Variants in PCDH19 observed in about 807,000 individuals in gnomAD.
PCDH19 encodes protocadherin-19.
A neutral mutation model predicts 46.2 loss-of-function variants in PCDH19; 6 were observed. The ratio of observed to expected loss-of-function variants is 0.13; its 90% CI spans 0.07 to 0.26. The LOEUF (loss-of-function observed/expected upper bound fraction) is 0.26. Ranked by LOEUF, PCDH19 falls within the 10% of genes least tolerant of loss-of-function variation. PCDH19 has a pLI of 1.00. For synonymous variants in PCDH19, 481 were observed against 415.7 expected, an observed-to-expected ratio of 1.16 and a Z score of -1.91; for missense variants, 740 against 972.3, an observed-to-expected ratio of 0.76 and a Z score of 3.18.
At chrX:100,302,316 C>G (rs914794610) in intron 5 of PCDH19, among the ~76,000 whole-genome samples, 1 of 111,944 alleles carries the variant, frequency 8.9e-6, no homozygotes, top group South Asian at 3.8e-4. Flanking sequence ...AAACACAATT[C>G]ATGATTAATA....
At chrX:100,403,474 GA>G in intron 2 of PCDH19, 49 bp downstream of exon 2, 1 of 1,159,773 alleles carries the variant, frequency 8.6e-7, no homozygotes, top group East Asian at 3.1e-5. Flanking sequence ...TCCTCTCCTA[GA>G]AAAATCTAAT....
intron 5 of PCDH19, among the ~76,000 whole-genome samples, chrX:100,309,968 T>C (rs1925081984): frequency 8.9e-6 from 1 of 112,487 alleles, no homozygotes; most frequent in African/African-American, 3.2e-5. Flanking sequence ...ATATTTGGCC[T>C]CTGTGATGCC....
At position 100,406,993 on chromosome X, in the gene PCDH19, G is replaced by A. The variant is rs754032170; in HGVS notation, c.1605C>T (p.Ala535=). Residue 535 remains alanine, a synonymous_variant, in exon 1 of 6, where the codon GCC becomes GCT. Coordinates refer to ENST00000373034, the MANE Select transcript of PCDH19 (RefSeq NM_001184880.2). Reference sequence around the variant, plus strand: ...GCAGTGAGGGAAGGCCGCCGTCCTTGGCCAGCACCTTGAATTCGAACGCCT... The same window carrying A: ...GCAGTGAGGGAAGGCCGCCGTCCTTAGCCAGCACCTTGAATTCGAACGCCT... ...QTKAFEFKVL[A]KDGGLPSLQS... 2.7e-5 allele frequency: 33 copies of A among 1,209,851 alleles called. No homozygotes were observed. The highest frequency in any genetic ancestry group is 5.9e-5 in the East Asian group (2 of 33,724).
rs1928536305 is a variant in PCDH19, at chrX:100,409,707, G to A, written c.-1110C>T. On this transcript the variant is annotated 5_prime_UTR_variant, in exon 1 of 6. Coordinates refer to ENST00000373034, the MANE Select transcript of PCDH19 (RefSeq NM_001184880.2). ...CGTTTGGGCTGGGGTGTCGCTCCAA[G>A]GTCCGCCGCCGCCGCCGCCGCCGCC... 8.3e-6 allele frequency: 2 copies of A among 239,974 alleles called. No homozygotes were observed. Among genetic ancestry groups the A allele is most frequent in the Non-Finnish European group, 1.5e-5 (2 of 133,267 alleles). 19.8% of individuals were successfully genotyped at this position (239,974 alleles called of 1,213,427 possible). A position where few individuals can be genotyped will look rare whatever the true frequency, so the allele number is the denominator to read the frequency against.
chrX:100,294,977 G>A lies in PCDH19; in HGVS notation c.*1300C>T, dbSNP rs1390953168. ...ATCAAAAAACTATTAGTCATAAAAA[G>A]ATGAGTTCAAGTGTCTGAGTGTCTC... is the stretch of plus-strand genomic sequence containing the variant. On this transcript the variant is annotated 3_prime_UTR_variant, in exon 6 of 6. Transcript: ENST00000373034. 1.8e-5 allele frequency: 2 copies of A among 112,462 alleles called. No individual in the cohort carries two copies. The highest frequency in any genetic ancestry group is 9.4e-5 in the Admixed American group (1 of 10,588). The allele number at this position is 112,462 out of a possible 1,213,427, so 9.3% of individuals were successfully genotyped here.
At chrX:100,386,675 C>A (rs775787038) in intron 3 of PCDH19, among the ~76,000 whole-genome samples, 1 of 111,594 alleles carries the variant, frequency 9.0e-6, no homozygotes, top group East Asian at 2.8e-4. Context: ...TTCAAACATT[C>A]TCAATACTTC....
intron 3 of PCDH19, among the ~76,000 whole-genome samples, chrX:100,387,636 T>A (rs1383719812): frequency 8.9e-6 from 1 of 111,947 alleles, no homozygotes; most frequent in East Asian, 2.8e-4. Context: ...ATTTTACTAT[T>A]TTAAAACCTC....
intron 5 of PCDH19, among the ~76,000 whole-genome samples, chrX:100,303,538 T>C (rs1436317693): frequency 1.8e-5 from 2 of 111,057 alleles, no homozygotes. Context: ...ACAGTCGTAT[T>C]CTAAAGTAAA....
At position 100,403,653 on chromosome X, in the gene PCDH19, G is replaced by A. The variant is rs775927144; in HGVS notation, c.2159C>T (p.Thr720Ile). ...AAAACAGCCGAGGAGACAAGTGATG[G>A]TTAAACAATTACTGCAAAGGAATTT... Reference protein sequence around the residue: ...IRTYNCSNCLTITCLLGCFIK... With the variant: ...IRTYNCSNCLIITCLLGCFIK... Residue 720 changes from threonine to isoleucine, a missense_variant, in exon 2 of 6, where the codon ACC becomes ATC. Thr to Ile is a moderately conservative substitution (Grantham distance 89). This residue lies in a region of PCDH19 where 416 missense variants were observed against 476.8 expected (regional missense o/e 0.87). Coordinates refer to ENST00000373034, the MANE Select transcript of PCDH19 (RefSeq NM_001184880.2). 4 of 1,203,043 alleles carry A rather than the reference G, an allele frequency of 3.3e-6. No homozygotes were observed. Among genetic ancestry groups the A allele is most frequent in the Middle Eastern group, 2.3e-4 (1 of 4,330 alleles).
chrX:100,408,387 G>C lies in PCDH19; in HGVS notation c.211C>G (p.Leu71Val). 2.5e-6 allele frequency: 3 copies of C among 1,208,610 alleles called. No individual in the cohort carries two copies. The highest frequency in any genetic ancestry group is 3.4e-6 in the Non-Finnish European group (3 of 894,251). Residue 71 changes from leucine (L) to valine (V), a missense_variant, in exon 1 of 6, where the codon CTA becomes GTA. Leu to Val is a conservative substitution (Grantham distance 32). Transcript: ENST00000373034. The part of the protein sequence containing the change: ...FRVVSNSAPH[L>V]VDINPSSGLL... ...CCAGAGCTGGGATTGATGTCCACTA[G>C]GTGTGGAGCCGAGTTGGACACCACG...
At chrX:100,321,852 C>G (rs1332439614) in intron 5 of PCDH19, among the ~76,000 whole-genome samples, 24 of 91,264 alleles carry the variant, frequency 2.6e-4, no homozygotes, top group African/African-American at 9.9e-4. Flanking sequence ...TACAGTGGCG[C>G]GATCTCGGCT....
intron 5 of PCDH19, among the ~76,000 whole-genome samples, chrX:100,327,929 G>T (rs774534508): frequency 8.9e-6 from 1 of 111,776 alleles, no homozygotes; most frequent in African/African-American, 3.2e-5. Context: ...TGATGACAAT[G>T]AAAACTTAAG....
At chrX:100,323,137 G>GAGAAAA (rs1925573339) in intron 5 of PCDH19, among the ~76,000 whole-genome samples, 1 of 109,835 alleles carries the variant, frequency 9.1e-6, no homozygotes, top group African/African-American at 3.3e-5. Context: ...CCAACTCAAA[G>GAGAAAA]AGTAAAAAGT....
chrX:100,342,114 G>A (rs762365704), intron 4 of PCDH19, 39 bp from the exon 5 acceptor site: 2 of 1,153,644 alleles, frequency 1.7e-6, no homozygotes, highest in East Asian at 3.0e-5. Context: ...GACCGTGACA[G>A]ATCTGATTTT....
chrX:100,392,523 A>T (rs1021299133), intron 3 of PCDH19, among the ~76,000 whole-genome samples: 3 of 112,291 alleles, frequency 2.7e-5, no homozygotes, highest in Non-Finnish European at 5.6e-5. Context: ...TCTCTCCCCT[A>T]AGCTTTTAGG....
At chrX:100,385,928 A>G (rs192715824) in intron 3 of PCDH19, among the ~76,000 whole-genome samples, 1 of 112,133 alleles carries the variant, frequency 8.9e-6, no homozygotes, top group East Asian at 2.8e-4. Context: ...CATAATGTAA[A>G]GATGAGAAAA....
Position 100,402,839 on chromosome X carries a change from G to A in PCDH19, c.2301C>T (p.Tyr767=), listed in dbSNP as rs1057524610. 1 of 1,204,191 alleles carries A rather than the reference G, an allele frequency of 8.3e-7. No homozygotes were observed. Among genetic ancestry groups the A allele is most frequent in the Non-Finnish European group, 1.1e-6 (1 of 889,184 alleles). ...TTGATTTCTTTTGATGCCCATAGGA[G>A]TACTCAGCAATTCTATGTGACAGAA... The part of the protein sequence containing the change: ...VSLRGKRIAE[Y]SYGHQKKSSK... The change falls in exon 3 of 6, where the codon TAC becomes TAT. Residue 767 remains tyrosine, a synonymous_variant. Transcript: ENST00000373034.
At chrX:100,377,239 C>T (rs1927413659) in intron 3 of PCDH19, among the ~76,000 whole-genome samples, 2 of 111,785 alleles carry the variant, frequency 1.8e-5, no homozygotes, top group Non-Finnish European at 3.8e-5. Flanking sequence ...TGCATTGGAA[C>T]CTGGTAAAAG....
At chrX:100,373,673 A>G (rs965521113) in intron 3 of PCDH19, among the ~76,000 whole-genome samples, 6 of 112,397 alleles carry the variant, frequency 5.3e-5, no homozygotes, top group Non-Finnish European at 1.1e-4. Flanking sequence ...GCCTCCAACA[A>G]AATTAAAACT....
Sources: gnomAD v4.1 joint callset for allele counts (sites outside exome capture counted in the v4.1 genomes callset) on GRCh38, gnomAD v4.1.1 for gene constraint, gnomAD v4.1.1 regional missense constraint, MANE v1.5 for transcripts, NCBI Gene and HGNC (gene_info 2026-07-23, HGNC 2026-07-21) for gene names.